ADGRE5: variants seen among roughly 807,000 people sequenced by gnomAD.
The protein encoded by ADGRE5 is adhesion G protein-coupled receptor E5.
Under a neutral mutation model 100.3 loss-of-function variants are expected in ADGRE5, and 72 were observed. The ratio of observed to expected loss-of-function variants is 0.72; its 90% CI spans 0.59 to 0.87. ADGRE5 has a LOEUF of 0.87. ADGRE5 is among the 40% of genes least tolerant of loss of function. The pLI, the probability that ADGRE5 is intolerant of heterozygous loss-of-function variation, is 0.00. For synonymous variants in ADGRE5, 439 were observed against 447.8 expected (o/e 0.98, Z 0.25); for missense variants, 959 against 1,094.7 (o/e 0.88, Z 1.75).
chr19:14,384,948 CTG>C (rs1192758623), intron 1 of ADGRE5, among the ~76,000 whole-genome samples: 214 of 101,432 alleles, frequency 2.1e-3, no homozygotes, highest in Non-Finnish European at 4.3e-3. Context: ...CTCTATCTCT[CTG>C]TCTCTCTCTC....
intron 3 of ADGRE5, among the ~76,000 whole-genome samples, chr19:14,389,456 G>T (rs67426584): frequency 0.53 from 75,049 of 142,476 alleles, 21,656 homozygotes; most frequent in African/African-American, 0.75. Flanking sequence ...AGATAGGCCC[G>T]GCATGGTGGG....
Position 14,407,299 on chromosome 19 carries a change from T to C in ADGRE5, c.2376+70T>C, listed in dbSNP as rs537202537. ...TATTTGGGAGGCTGAGGTGGGAGGA[T>C]TGCTTGAGCCCAGAAGTTGGAGACC... On this transcript the variant is annotated intron_variant, in intron 18 of 19. Coordinates refer to ENST00000242786, the MANE Select transcript of ADGRE5 (RefSeq NM_078481.4). The C allele has an allele frequency of 2.4e-5, 38 of 1,564,616 alleles. No homozygotes were observed. In the East Asian group the frequency reaches 6.3e-4, roughly 26 times the overall value.
chr19:14,407,638 C>CAAAAAAAAA (rs566106681), intron 18 of ADGRE5, among the ~76,000 whole-genome samples: 81 of 84,588 alleles, frequency 9.6e-4, no homozygotes, highest in African/African-American at 3.3e-3. Context: ...GACTTGTCTC[C>CAAAAAAAAA]AAAAAAAAAA....
intron 9 of ADGRE5, among the ~76,000 whole-genome samples, chr19:14,400,508 C>T (rs964041548): frequency 6.6e-6 from 1 of 152,072 alleles, no homozygotes; most frequent in Non-Finnish European, 1.5e-5. Flanking sequence ...GTTAAGATTG[C>T]AGGCCGGGCA....
chr19:14,391,006 C>T lies in ADGRE5; in HGVS notation c.273C>T (p.Cys91=), dbSNP rs769304284. Residue 91 remains cysteine, a synonymous_variant, in exon 4 of 20, where the codon TGC becomes TGT. Coordinates refer to ENST00000242786, the MANE Select transcript of ADGRE5 (RefSeq NM_078481.4). ...GGAACACAGAGGGGAGCTACGACTGCGTGTGCAGCCCGGGATATGAGCCTG... is the reference window on the plus strand; with the variant it reads ...GGAACACAGAGGGGAGCTACGACTGTGTGTGCAGCCCGGGATATGAGCCTG... ...DCWNTEGSYD[C]VCSPGYEPVS... 6.8e-6 allele frequency: 11 copies of T among 1,614,052 alleles called. No homozygotes were observed. In the Admixed American group the frequency reaches 1.0e-4, roughly 15 times the overall value.
At position 14,408,487 on chromosome 19, in the gene ADGRE5, G is replaced by A. The variant is rs1391579952; in HGVS notation, c.*366G>A. On this transcript the variant is annotated 3_prime_UTR_variant, in exon 20 of 20. Coordinates refer to ENST00000242786, the MANE Select transcript of ADGRE5 (RefSeq NM_078481.4). The stretch of plus-strand genomic sequence containing the variant: ...CTTTTCCTCTCATGTCTTTGCTGCA[G>A]AACTGAAGAGACTAGGCGCTGGGGC... 1.0e-5 allele frequency: 5 copies of A among 497,894 alleles called. No individual in the cohort carries two copies. Among genetic ancestry groups the A allele is most frequent in the Non-Finnish European group, 1.8e-5 (5 of 275,022 alleles). 30.8% of individuals were successfully genotyped at this position (497,894 alleles called of 1,614,324 possible). A position where few individuals can be genotyped will look rare whatever the true frequency, so the allele number is the denominator to read the frequency against.
chr19:14,406,533 G>A lies in ADGRE5; in HGVS notation c.2024G>A (p.Ser675Asn). The change falls in exon 15 of 20, where the codon AGC becomes AAC. Residue 675 changes from serine (S) to asparagine (N), a missense_variant. Ser to Asn is a conservative substitution (Grantham distance 46). This residue lies in a region of ADGRE5 where 428 missense variants were observed against 386.2 expected (regional missense o/e 1.11). Coordinates refer to ENST00000242786, the MANE Select transcript of ADGRE5 (RefSeq NM_078481.4). The surrounding 1 kb of genome is among the most constrained non-coding windows in gnomAD (Gnocchi z 6.0). The part of the protein sequence containing the change: ...LIVGVSAAIY[S>N]KGYGRPRYCW... ...GTGGGCGTCTCGGCTGCCATCTACA[G>A]CAAGGGCTACGGCCGCCCCAGATAG... is the stretch of plus-strand genomic sequence containing the variant. 3 of 1,577,372 alleles carry A rather than the reference G, an allele frequency of 1.9e-6. No homozygotes were observed. Among genetic ancestry groups the A allele is most frequent in the Non-Finnish European group, 1.7e-6 (2 of 1,162,014 alleles).
At chr19:14,407,871 G>T in intron 18 of ADGRE5, 37 bp from the exon 19 acceptor site, 2 of 1,571,346 alleles carry the variant, frequency 1.3e-6, no homozygotes, top group Non-Finnish European at 1.8e-6. Context: ...TGGTCCCAGG[G>T]CCTGCTCCTG....
chr19:14,382,403 C>T (rs1350834565), intron 1 of ADGRE5, among the ~76,000 whole-genome samples: 1 of 152,156 alleles, frequency 6.6e-6, no homozygotes, highest in Admixed American at 6.6e-5. Context: ...GGGTTCCACG[C>T]CCTGGCTGTC....
intron 1 of ADGRE5, among the ~76,000 whole-genome samples, chr19:14,382,010 C>G (rs1365822507): frequency 6.6e-6 from 1 of 152,138 alleles, no homozygotes; most frequent in East Asian, 1.9e-4. Context: ...GGGGCAGCCC[C>G]CAGAGACCCC....
At chr19:14,397,956 C>T (rs769847704) in intron 8 of ADGRE5, 21 bp downstream of exon 8, 34 of 1,417,758 alleles carry the variant, frequency 2.4e-5, no homozygotes, top group Non-Finnish European at 2.9e-5. Flanking sequence ...CCCACAGGGA[C>T]GAGGCGGCGG....
At chr19:14,407,602 T>C (rs545988905) in intron 18 of ADGRE5, among the ~76,000 whole-genome samples, 1 of 150,178 alleles carries the variant, frequency 6.7e-6, no homozygotes, top group Non-Finnish European at 1.5e-5. Flanking sequence ...GATGGCACCA[T>C]TGCACTCCAG....
chr19:14,407,889 T>A lies in ADGRE5; in HGVS notation c.2377-19T>A, dbSNP rs115358023. 1 of 1,609,330 alleles carries A rather than the reference T, an allele frequency of 6.2e-7. No homozygotes were observed. Among genetic ancestry groups the A allele is most frequent in the African/African-American group, 1.3e-5 (1 of 74,920 alleles). ...TCCCAGGGCCTGCTCCTGCCCTGACTTGGTGTCTGGGCCGGCAGGTTCGGG... is the reference window on the plus strand; with the variant it reads ...TCCCAGGGCCTGCTCCTGCCCTGACATGGTGTCTGGGCCGGCAGGTTCGGG... On this transcript the variant is annotated intron_variant, in intron 18 of 19. Coordinates refer to ENST00000242786, the MANE Select transcript of ADGRE5 (RefSeq NM_078481.4).
At chr19:14,383,835 C>A (rs1176271037) in intron 1 of ADGRE5, among the ~76,000 whole-genome samples, 1 of 151,920 alleles carries the variant, frequency 6.6e-6, no homozygotes, top group East Asian at 1.9e-4. Context: ...GGATGGGGCA[C>A]AAAGGAACCC....
chr19:14,385,112 G>C (rs1459014564), intron 1 of ADGRE5, among the ~76,000 whole-genome samples: 1 of 144,590 alleles, frequency 6.9e-6, no homozygotes, highest in Non-Finnish European at 1.5e-5. Context: ...CTGTGTTCAA[G>C]CGATTCTCCT....
At chr19:14,398,798 C>T (rs1222679445) in intron 9 of ADGRE5, among the ~76,000 whole-genome samples, 1 of 149,814 alleles carries the variant, frequency 6.7e-6, no homozygotes, top group Non-Finnish European at 1.5e-5. Context: ...TCGGTTTTCT[C>T]ATCTGTTTTG....
At chr19:14,405,471 C>T (rs1479784906) in intron 13 of ADGRE5, 1 of 425,616 alleles carries the variant, frequency 2.3e-6, no homozygotes, top group Non-Finnish European at 4.2e-6. Flanking sequence ...TACGTGACTT[C>T]AGTAGGATCC....
intron 12 of ADGRE5, 88 bp downstream of exon 12, chr19:14,402,950 T>G: frequency 7.5e-7 from 1 of 1,325,068 alleles, no homozygotes; most frequent in South Asian, 1.3e-5. Context: ...TTTCCCGACG[T>G]GACTCAGTCT....
intron 4 of ADGRE5, among the ~76,000 whole-genome samples, chr19:14,395,318 A>C (rs1414488922): frequency 1.3e-5 from 2 of 151,556 alleles, no homozygotes; most frequent in Non-Finnish European, 2.9e-5. Context: ...AAAAAAAAAA[A>C]ACAAAAACGC....
Sources: gnomAD v4.1 joint callset for allele counts (sites outside exome capture counted in the v4.1 genomes callset) on GRCh38, gnomAD v4.1.1 for gene constraint, gnomAD v4.1.1 regional missense constraint, Gnocchi (gnomAD v3.1) non-coding constraint, MANE v1.5 for transcripts, NCBI Gene and HGNC (gene_info 2026-07-23, HGNC 2026-07-21) for gene names.